Variants in SLC38A12 observed in about 807,000 individuals in gnomAD.
The protein encoded by SLC38A12 is solute carrier family 38 member 12.
At chr17:74,834,516 G>A in the SLC38A12 span, among the ~76,000 whole-genome samples, 1 of 152,198 alleles carries the variant, frequency 6.6e-6, no homozygotes, top group African/African-American at 2.4e-5. Flanking sequence ...GTCATTGTGG[G>A]AAGACATTGC....
the SLC38A12 span, among the ~76,000 whole-genome samples, chr17:74,779,529 G>A: frequency 1.3e-5 from 2 of 152,268 alleles, no homozygotes; most frequent in East Asian, 3.9e-4. Flanking sequence ...TCTTCCTAAG[G>A]GTTCCTTAAC....
the SLC38A12 span, among the ~76,000 whole-genome samples, chr17:74,832,344 A>G: frequency 2.6e-5 from 4 of 152,164 alleles, no homozygotes; most frequent in Non-Finnish European, 5.9e-5. Flanking sequence ...CCCAGGGGAC[A>G]GATCCCAGCA....
chr17:74,826,075 AAGG>A, the SLC38A12 span, among the ~76,000 whole-genome samples: 1 of 152,226 alleles, frequency 6.6e-6, no homozygotes, highest in Non-Finnish European at 1.5e-5. Context: ...AATCTCCAGG[AAGG>A]AGATTAGTCA....
At chr17:74,831,946 A>G in the SLC38A12 span, among the ~76,000 whole-genome samples, 1 of 152,134 alleles carries the variant, frequency 6.6e-6, no homozygotes, top group Non-Finnish European at 1.5e-5. Context: ...TCCTCGTTTC[A>G]TCTTGATTTA....
chr17:74,777,121 C>G, the SLC38A12 span: 1 of 632,086 alleles, frequency 1.6e-6, no homozygotes, highest in Non-Finnish European at 2.8e-6. Flanking sequence ...GTGACCCCTC[C>G]CTCGGGGGTG....
chr17:74,777,629 T>TTAA, the SLC38A12 span: 1 of 1,448,702 alleles, frequency 6.9e-7, no homozygotes, highest in South Asian at 1.2e-5. Context: ...GTTTATAATG[T>TTAA]TAATCCCGGG....
chr17:74,795,111 G>A, the SLC38A12 span: 1 of 1,613,904 alleles, frequency 6.2e-7, no homozygotes, highest in Non-Finnish European at 8.5e-7. Flanking sequence ...CAGGTGACCT[G>A]GTGAGTACCC....
At chr17:74,803,809 A>C in the SLC38A12 span, among the ~76,000 whole-genome samples, 1 of 152,156 alleles carries the variant, frequency 6.6e-6, no homozygotes, top group Non-Finnish European at 1.5e-5. Flanking sequence ...CAGAACTCCC[A>C]TTTCTGGGCA....
At chr17:74,795,571 A>G in the SLC38A12 span, 2 of 1,614,080 alleles carry the variant, frequency 1.2e-6, no homozygotes, top group Non-Finnish European at 1.7e-6. Flanking sequence ...GACACCAAAT[A>G]CAATGACACT....
chr17:74,781,424 A>G, the SLC38A12 span, among the ~76,000 whole-genome samples: 1 of 152,052 alleles, frequency 6.6e-6, no homozygotes. Flanking sequence ...AGCTGGGACT[A>G]CAGGCACTTG....
the SLC38A12 span, among the ~76,000 whole-genome samples, chr17:74,799,927 G>A: frequency 3.9e-5 from 6 of 152,214 alleles, no homozygotes; most frequent in Non-Finnish European, 8.8e-5. Flanking sequence ...TGAGTGCCCC[G>A]CCCTCCCACG....
At chr17:74,798,267 C>A in the SLC38A12 span, among the ~76,000 whole-genome samples, 1 of 152,214 alleles carries the variant, frequency 6.6e-6, no homozygotes, top group Non-Finnish European at 1.5e-5. Context: ...TTCAGAAAGT[C>A]ATCTGGAAGC....
chr17:74,782,452 T>C, the SLC38A12 span, among the ~76,000 whole-genome samples: 2 of 152,180 alleles, frequency 1.3e-5, no homozygotes, highest in Admixed American at 6.6e-5. Context: ...GGTTTATCAT[T>C]GTATCCTCAG....
the SLC38A12 span, among the ~76,000 whole-genome samples, chr17:74,790,587 G>C: frequency 6.6e-6 from 1 of 152,002 alleles, no homozygotes; most frequent in African/African-American, 2.4e-5. Flanking sequence ...TTAAATGCCT[G>C]GTTCCTTGCC....
chr17:74,799,386 G>A, the SLC38A12 span, among the ~76,000 whole-genome samples: 1 of 152,232 alleles, frequency 6.6e-6, no homozygotes, highest in Admixed American at 6.5e-5. Flanking sequence ...AGGGCCCTTC[G>A]TGGGCTGCCC....
the SLC38A12 span, among the ~76,000 whole-genome samples, chr17:74,809,452 C>T: frequency 6.6e-6 from 1 of 152,140 alleles, no homozygotes; most frequent in African/African-American, 2.4e-5. Context: ...ACTGTCCCTC[C>T]CGTGCTGTCC....
At chr17:74,820,198 A>T in the SLC38A12 span, among the ~76,000 whole-genome samples, 1 of 152,184 alleles carries the variant, frequency 6.6e-6, no homozygotes, top group South Asian at 2.1e-4. Flanking sequence ...GGGCTCCCAA[A>T]GGCCTGGGTT....
At chr17:74,839,678 C>T in the SLC38A12 span, 1 of 154,598 alleles carries the variant, frequency 6.5e-6, no homozygotes, top group Non-Finnish European at 1.4e-5. Flanking sequence ...ACAGCTATGT[C>T]ACTGGCCAGT....
the SLC38A12 span, among the ~76,000 whole-genome samples, chr17:74,805,052 G>GC: frequency 6.6e-6 from 1 of 152,260 alleles, no homozygotes; most frequent in African/African-American, 2.4e-5. This position sits in a 1 kb window ranked among gnomAD's most constrained non-coding sequence, Gnocchi z 5.0. Flanking sequence ...GAAGGCCACA[G>GC]GGCCCAGGAA....
Sources: gnomAD v4.1 joint callset for allele counts (sites outside exome capture counted in the v4.1 genomes callset) on GRCh38, gnomAD v4.1.1 for gene constraint, Gnocchi (gnomAD v3.1) non-coding constraint, MANE v1.5 for transcripts, NCBI Gene and HGNC (gene_info 2026-07-23, HGNC 2026-07-21) for gene names.